The following FHIT variants were observed in gnomAD, a reference collection of about 807,000 sequenced individuals.
The protein encoded by FHIT is bis(5'-adenosyl)-triphosphatase.
FHIT carries 19 observed loss-of-function variants against 17.9 expected under a neutral mutation model. That is an observed-to-expected ratio of 1.06 (90% CI 0.74 to 1.56). FHIT has a LOEUF of 1.56. Among genes scored for constraint, FHIT ranks in the 40% most tolerant of loss-of-function variants. The pLI, the probability that FHIT is intolerant of heterozygous loss-of-function variation, is 0.00. For missense variants in FHIT, 248 were observed against 189.2 expected (o/e 1.31, Z -1.82); for synonymous variants, 81 against 69.7 (o/e 1.16, Z -0.81).
At chr3:60,718,107 C>T (rs1184607013) in intron 4 of FHIT, among the ~76,000 whole-genome samples, 1 of 152,048 alleles carries the variant, frequency 6.6e-6, no homozygotes, top group Admixed American at 6.6e-5. Flanking sequence ...TTTATTTAGC[C>T]ATATTTTCAT....
intron 5 of FHIT, among the ~76,000 whole-genome samples, chr3:60,363,537 G>A (rs897316495): frequency 1.3e-5 from 2 of 152,120 alleles, no homozygotes; most frequent in African/African-American, 2.4e-5. Flanking sequence ...TGTTTTACAG[G>A]TGAGTAAACC....
intron 4 of FHIT, among the ~76,000 whole-genome samples, chr3:60,748,599 G>A (rs1245071042): frequency 6.6e-6 from 1 of 152,146 alleles, no homozygotes; most frequent in Non-Finnish European, 1.5e-5. Flanking sequence ...ATCACTTGAG[G>A]TCAGGAGTTC....
intron 5 of FHIT, among the ~76,000 whole-genome samples, chr3:60,224,130 G>A (rs190616731): frequency 9.9e-5 from 15 of 151,996 alleles, no homozygotes; most frequent in East Asian, 9.7e-4. Context: ...AATTTATTTC[G>A]TAAAAAACAA....
At chr3:60,955,633 T>TATATATATATATATATATATAC (rs1272864632) in intron 3 of FHIT, among the ~76,000 whole-genome samples, 3 of 39,538 alleles carry the variant, frequency 7.6e-5, no homozygotes, top group African/African-American at 2.4e-4. Flanking sequence ...TATATATATA[T>TATATATATATATATATATATAC]ACACACACAC....
At chr3:59,760,559 C>CAAA (rs35692822) in intron 8 of FHIT, among the ~76,000 whole-genome samples, 109 of 135,274 alleles carry the variant, frequency 8.1e-4, no homozygotes, top group South Asian at 4.2e-3. Context: ...CCCATGCCAT[C>CAAA]AAAAAAAAAA....
intron 8 of FHIT, among the ~76,000 whole-genome samples, chr3:59,861,710 A>G (rs1702413280): frequency 6.6e-6 from 1 of 152,224 alleles, no homozygotes. Context: ...ATAGCGCCAC[A>G]TGAATTTCCT....
At chr3:60,096,611 GT>G (rs2107120325) in intron 5 of FHIT, among the ~76,000 whole-genome samples, 1 of 152,252 alleles carries the variant, frequency 6.6e-6, no homozygotes, top group African/African-American at 2.4e-5. Context: ...TGTCCTCAGA[GT>G]CATCTGTTCA....
chr3:60,418,000 T>C (rs1377091560), intron 5 of FHIT, among the ~76,000 whole-genome samples: 1 of 152,122 alleles, frequency 6.6e-6, no homozygotes, highest in African/African-American at 2.4e-5. Flanking sequence ...GGACAACGAA[T>C]GTCTGAGATG....
intron 7 of FHIT, among the ~76,000 whole-genome samples, chr3:59,975,623 A>C (rs2107406284): frequency 6.6e-6 from 1 of 152,204 alleles, no homozygotes; most frequent in Non-Finnish European, 1.5e-5. Flanking sequence ...AATGGTTAAA[A>C]AAACATTAGA....
chr3:60,723,668 A>T (rs1553708651), intron 4 of FHIT, among the ~76,000 whole-genome samples: 1 of 152,216 alleles, frequency 6.6e-6, no homozygotes, highest in Non-Finnish European at 1.5e-5. Context: ...CACACCATGC[A>T]CCTTTTCCCT....
At chr3:60,190,464 G>C (rs909731274) in intron 5 of FHIT, among the ~76,000 whole-genome samples, 1 of 152,002 alleles carries the variant, frequency 6.6e-6, no homozygotes, top group Non-Finnish European at 1.5e-5. Flanking sequence ...AATTCTAAGG[G>C]AGGGCTGGGC....
chr3:60,651,487 G>T (rs891558203), intron 4 of FHIT, among the ~76,000 whole-genome samples: 2 of 151,654 alleles, frequency 1.3e-5, no homozygotes, highest in African/African-American at 4.8e-5. Flanking sequence ...TACTCTTGAG[G>T]TCTTGGCCCA....
At chr3:61,101,810 A>C (rs528246521) in intron 2 of FHIT, among the ~76,000 whole-genome samples, 10 of 152,018 alleles carry the variant, frequency 6.6e-5, no homozygotes, top group Non-Finnish European at 1.0e-4. Context: ...TATTCTCTTC[A>C]TAGCAATTGT....
At chr3:59,796,308 A>G (rs1431685202) in intron 8 of FHIT, among the ~76,000 whole-genome samples, 1 of 152,014 alleles carries the variant, frequency 6.6e-6, no homozygotes, top group Non-Finnish European at 1.5e-5. Context: ...GCGGGTCTCT[A>G]GCAACACCCC....
chr3:61,223,587 G>T (rs191913493), intron 1 of FHIT, among the ~76,000 whole-genome samples: 5 of 152,254 alleles, frequency 3.3e-5, no homozygotes, highest in Non-Finnish European at 4.4e-5. Context: ...TTTTTGCAAG[G>T]CATCCAATAA....
At chr3:60,849,487 A>G (rs1703061763) in intron 3 of FHIT, among the ~76,000 whole-genome samples, 1 of 143,932 alleles carries the variant, frequency 6.9e-6, no homozygotes, top group Non-Finnish European at 1.5e-5. Flanking sequence ...TTTCAAAAAT[A>G]AAGCCAAATA....
chr3:61,083,642 C>T (rs781350342), intron 2 of FHIT, among the ~76,000 whole-genome samples: 19 of 152,150 alleles, frequency 1.2e-4, no homozygotes, highest in Admixed American at 3.9e-4. Context: ...CCCTATTCCT[C>T]CCAACACCTT....
At chr3:60,862,282 G>T (rs1228042897) in intron 3 of FHIT, among the ~76,000 whole-genome samples, 1 of 152,028 alleles carries the variant, frequency 6.6e-6, no homozygotes, top group Non-Finnish European at 1.5e-5. Flanking sequence ...GGGCTCAAGT[G>T]ATCATCCGTA....
At chr3:60,127,944 T>G (rs1393341619) in intron 5 of FHIT, among the ~76,000 whole-genome samples, 1 of 152,168 alleles carries the variant, frequency 6.6e-6, no homozygotes, top group African/African-American at 2.4e-5. Flanking sequence ...AAGTACATTT[T>G]ATTAGCCTTA....
Sources: gnomAD v4.1 joint callset for allele counts (sites outside exome capture counted in the v4.1 genomes callset) on GRCh38, gnomAD v4.1.1 for gene constraint, MANE v1.5 for transcripts, NCBI Gene and HGNC (gene_info 2026-07-23, HGNC 2026-07-21) for gene names.